Variants in TESPA1 observed in about 807,000 individuals in gnomAD.
The protein encoded by TESPA1 is protein TESPA1.
In TESPA1, 33 loss-of-function variants were observed where a neutral mutation model predicts 57.9. The ratio of observed to expected loss-of-function variants is 0.57; its 90% CI spans 0.43 to 0.76. TESPA1 has a LOEUF of 0.76. Ranked by LOEUF, TESPA1 falls within the 30% of genes least tolerant of loss-of-function variation. The pLI, the probability that TESPA1 is intolerant of heterozygous loss-of-function variation, is 0.00. For missense variants in TESPA1, 618 were observed against 632.9 expected, an observed-to-expected ratio of 0.98 and a Z score of 0.25; for synonymous variants, 227 against 228.9, an observed-to-expected ratio of 0.99 and a Z score of 0.07.
intron 9 of TESPA1, among the ~76,000 whole-genome samples, chr12:54,961,934 C>T (rs1251156811): frequency 6.6e-6 from 1 of 152,130 alleles, no homozygotes; most frequent in African/African-American, 2.4e-5. Context: ...GGTCTGGGCA[C>T]TGGAAGATAA....
At chr12:54,974,668 A>G in intron 1 of TESPA1, 61 bp from the exon 2 acceptor site, 1 of 1,263,762 alleles carries the variant, frequency 7.9e-7, no homozygotes, top group Non-Finnish European at 1.0e-6. Context: ...CATGATGCTC[A>G]GGGTTGCCCC....
rs746385862 is a variant in TESPA1, at chr12:54,962,938, C to T, written c.960G>A (p.Met320Ile). ...ACTGCTTCTCTTCTTTCACTTTGTC[C>T]ATCACTTCCAACACAACTTGGTCCA... ...NSLDQVVLEV[M>I]DKVKEEKQFL... The change falls in exon 9 of 11, where the codon ATG becomes ATA. Residue 320 changes from methionine to isoleucine, a missense_variant. Met to Ile is a conservative substitution (Grantham distance 10). This residue lies in a region of TESPA1 where 409 missense variants were observed against 420.1 expected (regional missense o/e 0.97). Transcript: ENST00000449076. 2 of 1,613,594 alleles carry T rather than the reference C, an allele frequency of 1.2e-6. No homozygotes were observed. The highest frequency in any genetic ancestry group is 8.5e-7 in the Non-Finnish European group (1 of 1,179,850).
At chr12:54,957,206 T>C (rs1417650733) in intron 10 of TESPA1, among the ~76,000 whole-genome samples, 1 of 152,212 alleles carries the variant, frequency 6.6e-6, no homozygotes, top group Non-Finnish European at 1.5e-5. Flanking sequence ...CCCATTTGCC[T>C]ACTCAGCTGG....
chr12:54,977,262 G>C (rs1402543818), intron 1 of TESPA1, among the ~76,000 whole-genome samples: 1 of 152,040 alleles, frequency 6.6e-6, no homozygotes, highest in Non-Finnish European at 1.5e-5. Context: ...TTGTCTAAAC[G>C]AGTGAATGTT....
intron 2 of TESPA1, chr12:54,973,801 G>T (rs1039580152): frequency 6.7e-6 from 8 of 1,197,676 alleles, no homozygotes; most frequent in African/African-American, 6.3e-5. Flanking sequence ...TTCCCACAAG[G>T]GTGGATCCTT....
At chr12:54,965,930 C>A (rs1396512450) in intron 7 of TESPA1, 123 bp downstream of exon 7, 2 of 860,096 alleles carry the variant, frequency 2.3e-6, no homozygotes, top group Non-Finnish European at 3.7e-6. Context: ...TTCAAGTATG[C>A]AGTAAAAGTG....
At chr12:54,983,457 T>C (rs1419288689) in intron 1 of TESPA1, among the ~76,000 whole-genome samples, 1 of 152,096 alleles carries the variant, frequency 6.6e-6, no homozygotes, top group African/African-American at 2.4e-5. Flanking sequence ...CTCTAATCAC[T>C]CAGCTGAACA....
rs1359221146 is a variant in TESPA1 at position 54,967,207 on chromosome 12, C to T, written c.286G>A (p.Asp96Asn). Residue 96 changes from aspartate (D) to asparagine (N), a missense_variant, in exon 5 of 11, where the codon GAT (aspartate) becomes AAT (asparagine). This residue lies in a region of TESPA1 where 199 missense variants were observed against 184.0 expected (regional missense o/e 1.08). Coordinates refer to ENST00000449076, the MANE Select transcript of TESPA1 (RefSeq NM_001136030.3). ...GFCSHGTSFE[D>N]DLTLGAEATL... is the part of the protein sequence containing the mutation. ...CCCTCCGCTCCCAGGGTCAAGTCAT[C>T]TTCAAAGCTGGTCCCATGGCTGCAG... 6 of 1,613,002 alleles carry T rather than the reference C, an allele frequency of 3.7e-6. No individual in the cohort carries two copies. Among genetic ancestry groups the T allele is most frequent in the Admixed American group, 3.3e-5 (2 of 59,874 alleles).
chr12:54,973,745 A>G (rs1024858413), intron 2 of TESPA1: 52 of 1,309,398 alleles, frequency 4.0e-5, no homozygotes, highest in Non-Finnish European at 4.8e-5. Flanking sequence ...AAGAACCTGG[A>G]AAGTGCCCAA....
chr12:54,968,836 A>G (rs920720027), intron 3 of TESPA1, among the ~76,000 whole-genome samples: 1 of 151,954 alleles, frequency 6.6e-6, no homozygotes, highest in Non-Finnish European at 1.5e-5. Context: ...ACTGAAGTGC[A>G]TCCACTGGTG....
At chr12:54,962,221 G>C (rs1458826238) in intron 9 of TESPA1, among the ~76,000 whole-genome samples, 2 of 152,148 alleles carry the variant, frequency 1.3e-5, no homozygotes, top group Non-Finnish European at 2.9e-5. Flanking sequence ...ATTACCAAAG[G>C]AGCTCTGAAA....
At chr12:54,972,696 C>T (rs1368757660) in intron 3 of TESPA1, among the ~76,000 whole-genome samples, 1 of 152,120 alleles carries the variant, frequency 6.6e-6, no homozygotes, top group Non-Finnish European at 1.5e-5. Flanking sequence ...AAATAAACAA[C>T]CTTGGATTAT....
At chr12:54,967,992 A>G in intron 3 of TESPA1, 100 bp from the exon 4 acceptor site, 1 of 1,573,364 alleles carries the variant, frequency 6.4e-7, no homozygotes, top group Non-Finnish European at 8.6e-7. Context: ...TTTTCCAGTG[A>G]GAGTCAGTAG....
At chr12:54,980,344 A>C (rs1242871983) in intron 1 of TESPA1, among the ~76,000 whole-genome samples, 1 of 152,228 alleles carries the variant, frequency 6.6e-6, no homozygotes, top group East Asian at 1.9e-4. Context: ...ATTATGAAGC[A>C]GTTTAGCCTT....
In TESPA1 at chr12:54,962,503, C is replaced by G; in HGVS notation, c.1395G>C (p.Lys465Asn). 1 of 1,613,454 alleles carries G rather than the reference C, an allele frequency of 6.2e-7. No individual in the cohort carries two copies. Among genetic ancestry groups the G allele is most frequent in the Non-Finnish European group, 8.5e-7 (1 of 1,179,890 alleles). The change falls in exon 9 of 11, where the codon AAG becomes AAC. Residue 465 changes from lysine to asparagine, a missense_variant. Lys to Asn is a moderately conservative substitution (Grantham distance 94). Coordinates refer to ENST00000449076, the MANE Select transcript of TESPA1 (RefSeq NM_001136030.3). ...GCAGTTCTGGTCTGTCTACACTCTG[C>G]TTCCATTTCTGCTGGGTGATGGACA... ...LDLSITQQKW[K>N]QSVDRPELRR... is the part of the protein sequence containing the mutation.
intron 10 of TESPA1, among the ~76,000 whole-genome samples, chr12:54,960,739 A>C (rs200664765): frequency 6.6e-6 from 1 of 152,234 alleles, no homozygotes; most frequent in East Asian, 1.9e-4. Flanking sequence ...TGCTCCTTGT[A>C]TCTGTACACT....
chr12:54,953,522 CTT>C (rs1178610425), intron 10 of TESPA1, among the ~76,000 whole-genome samples: 3 of 135,332 alleles, frequency 2.2e-5, no homozygotes, highest in African/African-American at 2.8e-5. Flanking sequence ...TTTTTATTTA[CTT>C]TTTTTTTTTT....
chr12:54,959,513 A>G (rs1038501934), intron 10 of TESPA1, among the ~76,000 whole-genome samples: 1 of 152,240 alleles, frequency 6.6e-6, no homozygotes, highest in South Asian at 2.1e-4. Context: ...GGGCCTCCCA[A>G]TGACTGGGTC....
intron 10 of TESPA1, among the ~76,000 whole-genome samples, 153 bp downstream of exon 10, chr12:54,961,015 C>G (rs569257492): frequency 8.3e-4 from 126 of 152,196 alleles, no homozygotes; most frequent in African/African-American, 2.4e-3. Flanking sequence ...ATAGAATTAC[C>G]TGGAAGCTTA....
Sources: gnomAD v4.1 joint callset for allele counts (sites outside exome capture counted in the v4.1 genomes callset) on GRCh38, gnomAD v4.1.1 for gene constraint, gnomAD v4.1.1 regional missense constraint, MANE v1.5 for transcripts, NCBI Gene and HGNC (gene_info 2026-07-23, HGNC 2026-07-21) for gene names.